NLRP14: variants seen among roughly 807,000 people sequenced by gnomAD.
NLRP14 encodes NACHT, LRR and PYD domains-containing protein 14.
Under a neutral mutation model 94.7 loss-of-function variants are expected in NLRP14, and 105 were observed. The observed-to-expected ratio is 1.11, with a 90% confidence interval of 0.95 to 1.30. The LOEUF is 1.30. NLRP14 is among the 50% of genes most tolerant of loss of function. The pLI, the probability that NLRP14 is intolerant of heterozygous loss-of-function variation, is 0.00. For synonymous variants in NLRP14, 508 were observed against 459.9 expected, an observed-to-expected ratio of 1.10 and a Z score of -1.34; for missense variants, 1,362 against 1,254.1, an observed-to-expected ratio of 1.09 and a Z score of -1.30.
intron 8 of NLRP14, 68 bp from the exon 9 acceptor site, chr11:7,059,826 T>C: frequency 7.3e-7 from 1 of 1,362,834 alleles, no homozygotes; most frequent in Non-Finnish European, 1.0e-6. Flanking sequence ...ATGAAATCTC[T>C]TCAGAGAAAG....
chr11:7,046,419 A>G (rs940054912), intron 4 of NLRP14, among the ~76,000 whole-genome samples: 1 of 152,110 alleles, frequency 6.6e-6, no homozygotes, highest in African/African-American at 2.4e-5. Context: ...TCTAAAGTAA[A>G]GCTTCTCTGG....
chr11:7,089,180 C>A, the NLRP14 span: 4 of 1,614,016 alleles, frequency 2.5e-6, no homozygotes, highest in Non-Finnish European at 1.7e-6. Context: ...TCGAAACCGA[C>A]GAGAAAGCCC....
intron 5 of NLRP14, among the ~76,000 whole-genome samples, chr11:7,049,098 G>A (rs1347660726): frequency 2.6e-5 from 4 of 152,126 alleles, no homozygotes; most frequent in Admixed American, 6.6e-5. Flanking sequence ...AGGGCATTGG[G>A]GACTAGCAGA....
downstream of NLRP14, among the ~76,000 whole-genome samples, chr11:7,072,144 A>C (rs1313877485): frequency 6.6e-6 from 1 of 152,202 alleles, no homozygotes; most frequent in East Asian, 1.9e-4. Context: ...TAAATCTCAT[A>C]ACTTGGATTG....
At chr11:7,058,551 CCT>C in intron 8 of NLRP14, 101 bp downstream of exon 8, 1 of 873,924 alleles carries the variant, frequency 1.1e-6, no homozygotes, top group African/African-American at 1.7e-5. Context: ...TTGCTTTTTC[CCT>C]GTTACCCTTA....
At chr11:7,049,859 T>C (rs368221004) in intron 6 of NLRP14, 21 bp downstream of exon 6, 45 of 1,606,912 alleles carry the variant, frequency 2.8e-5, no homozygotes, top group Non-Finnish European at 3.7e-5. Flanking sequence ...AATTGTTTTG[T>C]CTTGTTTTGT....
chr11:7,077,211 C>T, the NLRP14 span, among the ~76,000 whole-genome samples: 2 of 152,254 alleles, frequency 1.3e-5, no homozygotes, highest in African/African-American at 4.8e-5. Flanking sequence ...CAGACGCCCT[C>T]GGAACTCGGC....
chr11:7,072,721 T>C (rs978657159), downstream of NLRP14, among the ~76,000 whole-genome samples: 2 of 152,176 alleles, frequency 1.3e-5, no homozygotes, highest in East Asian at 3.9e-4. Context: ...GAAGGTCATA[T>C]ACAGGTCAAA....
chr11:7,089,483 C>A, the NLRP14 span: 1 of 1,256,700 alleles, frequency 8.0e-7, no homozygotes, highest in Admixed American at 4.5e-5. Flanking sequence ...CGCGGCGTTC[C>A]CCATCCCGGG....
the NLRP14 span, among the ~76,000 whole-genome samples, chr11:7,076,858 GTGAA>G: frequency 6.6e-6 from 1 of 152,126 alleles, no homozygotes; most frequent in Non-Finnish European, 1.5e-5. Context: ...TGATTCAAGA[GTGAA>G]TGAATGAATG....
At chr11:7,057,518 T>C (rs1852533044) in intron 6 of NLRP14, among the ~76,000 whole-genome samples, 159 bp from the exon 7 acceptor site, 1 of 151,998 alleles carries the variant, frequency 6.6e-6, no homozygotes, top group African/African-American at 2.4e-5. Context: ...GTCAGAGCCT[T>C]ATGCTTTAGT....
At chr11:7,062,288 A>G (rs1182076424) in intron 9 of NLRP14, 45 bp from the exon 10 acceptor site, 3 of 1,533,250 alleles carry the variant, frequency 2.0e-6, no homozygotes, top group Non-Finnish European at 2.7e-6. Flanking sequence ...AACTTATTTA[A>G]CCTCACAATG....
chr11:7,078,458 A>C, the NLRP14 span, among the ~76,000 whole-genome samples: 2 of 145,104 alleles, frequency 1.4e-5, no homozygotes, highest in African/African-American at 5.2e-5. Flanking sequence ...AAAAAAAAAA[A>C]AAAACAAAAA....
intron 6 of NLRP14, 55 bp downstream of exon 6, chr11:7,049,893 A>C: frequency 6.9e-7 from 1 of 1,448,044 alleles, no homozygotes; most frequent in Non-Finnish European, 9.7e-7. Context: ...GCTTTTGTCT[A>C]TCCAAGTAGA....
the NLRP14 span, among the ~76,000 whole-genome samples, chr11:7,088,592 T>G: frequency 6.6e-6 from 1 of 152,322 alleles, no homozygotes; most frequent in South Asian, 2.1e-4. Context: ...AAAAGCTGAT[T>G]AGTTTAAAAA....
At chr11:7,081,727 G>A in the NLRP14 span, among the ~76,000 whole-genome samples, 1 of 152,122 alleles carries the variant, frequency 6.6e-6, no homozygotes, top group Admixed American at 6.6e-5. Flanking sequence ...TGCCCTCTGT[G>A]GCATGCCACC....
the NLRP14 span, among the ~76,000 whole-genome samples, chr11:7,081,033 A>T: frequency 6.6e-6 from 1 of 151,986 alleles, no homozygotes; most frequent in South Asian, 2.1e-4. Context: ...GAGCGGAGTT[A>T]TCTCGAGGCT....
the NLRP14 span, chr11:7,089,599 C>G: frequency 8.4e-7 from 1 of 1,187,794 alleles, no homozygotes; most frequent in Non-Finnish European, 1.0e-6. Context: ...GTCGGCCCAC[C>G]CCCCAAGAGG....
intron 6 of NLRP14, among the ~76,000 whole-genome samples, chr11:7,053,255 G>A (rs186007550): frequency 6.6e-6 from 1 of 151,914 alleles, no homozygotes; most frequent in Non-Finnish European, 1.5e-5. Flanking sequence ...TTCAAAATCA[G>A]TAAGTTTGGA....
Sources: allele counts gnomAD v4.1 joint callset (sites outside exome capture counted in the v4.1 genomes callset), GRCh38; gene constraint gnomAD v4.1.1; transcripts MANE v1.5; gene names NCBI Gene and HGNC (gene_info 2026-07-23, HGNC 2026-07-21).